CELF2: variants seen among roughly 807,000 people sequenced by gnomAD.
CELF2 encodes CUG triplet repeat RNA-binding protein 2.
In CELF2, 8 loss-of-function variants were observed where a neutral mutation model predicts 62.6. The observed-to-expected ratio is 0.13, with a 90% CI of 0.07 to 0.23. The LOEUF is 0.23. Among genes scored for constraint, CELF2 ranks in the 10% least tolerant of loss-of-function variants. CELF2 has a pLI of 1.00. For missense variants in CELF2, 333 were observed against 671.0 expected, an observed-to-expected ratio of 0.50 and a Z score of 5.56; for synonymous variants, 258 against 250.0, an observed-to-expected ratio of 1.03 and a Z score of -0.30.
At chr10:10,480,652 C>T in the CELF2 span, among the ~76,000 whole-genome samples, 3 of 152,148 alleles carry the variant, frequency 2.0e-5, no homozygotes, top group Non-Finnish European at 4.4e-5. Flanking sequence ...CCTAAACTCC[C>T]AAATTGAAGG....
chr10:10,918,159 T>C (rs1328435792), intron 1 of CELF2, among the ~76,000 whole-genome samples: 1 of 152,132 alleles, frequency 6.6e-6, no homozygotes, highest in East Asian at 1.9e-4. Flanking sequence ...GACAGAAAGA[T>C]AAAGGATAAA....
chr10:11,293,963 G>T (rs1279280326), intron 9 of CELF2, among the ~76,000 whole-genome samples: 1 of 152,182 alleles, frequency 6.6e-6, no homozygotes, highest in South Asian at 2.1e-4. Context: ...CCTGTAAGGC[G>T]TGCCTCTGCC....
At chr10:10,578,781 C>G in the CELF2 span, among the ~76,000 whole-genome samples, 51 of 152,246 alleles carry the variant, frequency 3.3e-4, no homozygotes, top group African/African-American at 1.2e-3. Context: ...TTCCATGGGT[C>G]CACACCCTCT....
At chr10:11,061,111 G>C (rs2066628671) in intron 1 of CELF2, among the ~76,000 whole-genome samples, 1 of 152,236 alleles carries the variant, frequency 6.6e-6, no homozygotes, top group African/African-American at 2.4e-5. Context: ...TGAAAGCTGG[G>C]TCTGTTGGAC....
intron 2 of CELF2, among the ~76,000 whole-genome samples, chr10:11,202,914 T>C (rs1005143608): frequency 1.5e-5 from 1 of 65,036 alleles, no homozygotes; most frequent in Non-Finnish European, 3.3e-5. Flanking sequence ...TCTCTCTCTC[T>C]CTCTCTCTCT....
At chr10:10,658,086 G>A in the CELF2 span, among the ~76,000 whole-genome samples, 1 of 152,144 alleles carries the variant, frequency 6.6e-6, no homozygotes, top group Non-Finnish European at 1.5e-5. Flanking sequence ...AAACGTCAAA[G>A]CTTGAAGCTA....
the CELF2 span, among the ~76,000 whole-genome samples, chr10:10,777,521 T>C: frequency 6.6e-6 from 1 of 152,142 alleles, no homozygotes; most frequent in Admixed American, 6.5e-5. Context: ...TCGCGACATC[T>C]TTCTGTTTAC....
chr10:10,545,065 G>C, the CELF2 span, among the ~76,000 whole-genome samples: 1 of 152,064 alleles, frequency 6.6e-6, no homozygotes, highest in African/African-American at 2.4e-5. Flanking sequence ...TTTGATACAC[G>C]CGTAGGACTG....
intron 2 of CELF2, among the ~76,000 whole-genome samples, chr10:10,954,500 C>G (rs2048691325): frequency 2.0e-5 from 3 of 152,162 alleles, no homozygotes; most frequent in East Asian, 1.9e-4. Flanking sequence ...CCCACCTTGG[C>G]CTCCCAAAGT....
Position 11,332,948 on chromosome 10 carries a change from G to A in CELF2, c.*3895G>A, listed in dbSNP as rs1457967185. The A allele has an allele frequency of 6.6e-6, 1 of 152,542 alleles. No individual in the cohort carries two copies. Among genetic ancestry groups the A allele is most frequent in the Non-Finnish European group, 1.5e-5 (1 of 68,020 alleles). 9.4% of individuals were successfully genotyped at this position (152,542 alleles called of 1,614,324 possible). A position where few individuals can be genotyped will look rare whatever the true frequency, so the allele number is the denominator to read the frequency against. ...TCTCTCTGAGAACACGGTGTGTCTC[G>A]ACACGTACCACGTACGTGGAAACAC... On this transcript the variant is annotated 3_prime_UTR_variant, in exon 13 of 13. Coordinates refer to ENST00000633077, the MANE Select transcript of CELF2 (RefSeq NM_001326342.2).
upstream of CELF2, chr10:11,005,240 AAGACAGAGAGAGAGGGAGAG>A (rs2054979411): frequency 5.7e-6 from 7 of 1,234,148 alleles, no homozygotes; most frequent in South Asian, 2.8e-5. The surrounding 1 kb of genome is among the most constrained non-coding windows in gnomAD (Gnocchi z 4.3). Flanking sequence ...AGAGAGTGGG[AAGACAGAGAGAGAGGGAGAG>A]AGAGAGAGAG....
the CELF2 span, among the ~76,000 whole-genome samples, chr10:10,463,278 T>C: frequency 6.6e-6 from 1 of 152,214 alleles, no homozygotes; most frequent in South Asian, 2.1e-4. Context: ...GTGTATACTC[T>C]GCCTGGAACG....
the CELF2 span, among the ~76,000 whole-genome samples, chr10:10,621,096 TAGCC>T: frequency 1.4e-5 from 2 of 142,702 alleles, no homozygotes; most frequent in Non-Finnish European, 3.0e-5. Context: ...TAATAATAAT[TAGCC>T]AGGCATGGTG....
rs548834029 is a variant in CELF2, at chr10:11,010,355, G to C, written c.53+4915G>C. Among the ~76,000 whole-genome samples, 2 of 152,146 alleles carry C rather than the reference G, an allele frequency of 1.3e-5. No homozygotes were observed. Among genetic ancestry groups the C allele is most frequent in the Non-Finnish European group, 2.9e-5 (2 of 68,030 alleles). ...GGCTACAGGCCTTAGAAGTATCAGT[G>C]GAAACCTCAGTGCTAAAAGAACAAT... On this transcript the variant is annotated intron_variant, in intron 1 of 12. Coordinates refer to the CELF2 transcript ENST00000416382. The surrounding 1 kb of genome is among the most constrained non-coding windows in gnomAD (Gnocchi z 4.1).
chr10:10,524,958 G>A, the CELF2 span, among the ~76,000 whole-genome samples: 1 of 152,134 alleles, frequency 6.6e-6, no homozygotes, highest in Non-Finnish European at 1.5e-5. Context: ...TCCTAATGTA[G>A]AGGGTTCTTA....
In CELF2 at chr10:11,255,955, C is replaced by T. The variant is rs1360667306; in HGVS notation, c.404-1783C>T. 6.6e-6 allele frequency among the ~76,000 whole-genome samples: 1 copy of T among 152,188 alleles called. No individual in the cohort carries two copies. The highest frequency in any genetic ancestry group is 1.5e-5 in the Non-Finnish European group (1 of 68,030). On this transcript the variant is annotated intron_variant, in intron 4 of 12. Coordinates refer to ENST00000633077, the MANE Select transcript of CELF2 (RefSeq NM_001326342.2). This position sits in a 1 kb window ranked among gnomAD's most constrained non-coding sequence, Gnocchi z 5.5. ...GAGGAGACACAGCAGGGGAAGGAAT[C>T]CTTGGCTGGGAGGAGGACTCCAGGC...
At position 11,329,294 on chromosome 10, in the gene CELF2, T is replaced by G. The variant is rs900717364; in HGVS notation, c.*241T>G. Reference sequence around the variant, plus strand: ...TTCCTCCTCCAGTTGTGCCACTGTATTCTCCTTTGTTTTGCGATTTGAATC... The same window carrying G: ...TTCCTCCTCCAGTTGTGCCACTGTAGTCTCCTTTGTTTTGCGATTTGAATC... On this transcript the variant is annotated 3_prime_UTR_variant, in exon 13 of 13. Transcript: ENST00000633077. This position sits in a 1 kb window ranked among gnomAD's most constrained non-coding sequence, Gnocchi z 5.5. 3 of 321,082 alleles carry G rather than the reference T, an allele frequency of 9.3e-6. No individual in the cohort carries two copies. The highest frequency in any genetic ancestry group is 4.9e-5 in the Admixed American group (1 of 20,572). The allele number at this position is 321,082 out of a possible 1,614,324, so 19.9% of individuals were successfully genotyped here.
At chr10:10,724,953 T>C in the CELF2 span, among the ~76,000 whole-genome samples, 32 of 118,502 alleles carry the variant, frequency 2.7e-4, no homozygotes, top group African/African-American at 8.3e-4. Flanking sequence ...AGTTGAGTCA[T>C]AAAACCTAGA....
chr10:10,684,623 G>T, the CELF2 span, among the ~76,000 whole-genome samples: 1 of 151,996 alleles, frequency 6.6e-6, no homozygotes, highest in Non-Finnish European at 1.5e-5. Flanking sequence ...ATGCTCCTGT[G>T]GTCCCAGCTA....
Sources: gnomAD v4.1 joint callset for allele counts (sites outside exome capture counted in the v4.1 genomes callset) on GRCh38, gnomAD v4.1.1 for gene constraint, Gnocchi (gnomAD v3.1) non-coding constraint, MANE v1.5 for transcripts, NCBI Gene and HGNC (gene_info 2026-07-23, HGNC 2026-07-21) for gene names.